The following RUVBL1 variants were observed in gnomAD, a reference collection of about 807,000 sequenced individuals.
RUVBL1 encodes the protein RuvB like AAA ATPase 1, also known as ruvB-like 1.
RUVBL1 carries 4 observed loss-of-function variants against 52.4 expected under a neutral mutation model. The ratio of observed to expected loss-of-function variants is 0.08; its 90% CI spans 0.04 to 0.17. The LOEUF (loss-of-function observed/expected upper bound fraction) is 0.17. Among genes scored for constraint, RUVBL1 ranks in the 10% least tolerant of loss-of-function variants. The pLI is 1.00. For synonymous variants in RUVBL1, 217 were observed against 214.4 expected (o/e 1.01, Z -0.10); for missense variants, 298 against 572.8 (o/e 0.52, Z 4.90).
chr3:128,109,806 T>A (rs1373753783), intron 3 of RUVBL1, among the ~76,000 whole-genome samples: 1 of 110,888 alleles, frequency 9.0e-6, no homozygotes, highest in South Asian at 3.2e-4. Context: ...GGCCTCTCTG[T>A]AAATTTTTTT....
Position 128,146,803 on chromosome 3 carries a change from G to GT in RUVBL1, c.-40+6399dup, listed in dbSNP as rs555158234. ...CGTGTGCACGTGTGTCCATGTGTCT[G>GT]TGTGTGTGTGCATGCATCTGTGTGT... On this transcript the variant is annotated intron_variant, in intron 1 of 9. Coordinates refer to the RUVBL1 transcript ENST00000464873. 4.8e-4 allele frequency among the ~76,000 whole-genome samples: 73 copies of GT among 151,876 alleles called. No homozygotes were observed. In the East Asian group the frequency reaches 0.013, roughly 27 times the overall value.
At chr3:128,134,623 C>CA (rs202207381) in intron 1 of RUVBL1, among the ~76,000 whole-genome samples, 2,625 of 142,088 alleles carry the variant, frequency 0.018, 57 homozygotes, top group African/African-American at 0.059. Context: ...CCCATCTCTA[C>CA]AAAAAATAAA....
chr3:128,066,038 G>A (rs944003956), intron 9 of RUVBL1, among the ~76,000 whole-genome samples: 1 of 152,028 alleles, frequency 6.6e-6, no homozygotes, highest in African/African-American at 2.4e-5. Flanking sequence ...CACCGCACCC[G>A]GCCTTAAGTA....
chr3:128,095,869 G>A (rs1393313394), intron 8 of RUVBL1, among the ~76,000 whole-genome samples: 5 of 152,144 alleles, frequency 3.3e-5, no homozygotes, highest in South Asian at 2.1e-4. Context: ...CAATCTTCCC[G>A]CCTCAGCCTC....
At chr3:128,102,607 G>A (rs1487213452) in intron 4 of RUVBL1, among the ~76,000 whole-genome samples, 1 of 152,228 alleles carries the variant, frequency 6.6e-6, no homozygotes, top group Non-Finnish European at 1.5e-5. Flanking sequence ...GACATACACT[G>A]TATGTTCCAT....
chr3:128,153,876 G>T, exon 1 of RUVBL1: 1 of 1,445,440 alleles, frequency 6.9e-7, no homozygotes. Context: ...CGGAGCGACC[G>T]GGCCCCGTGT....
rs778050832 is a variant in RUVBL1 at position 128,112,973 on chromosome 3, G to A, written c.276C>T (p.Pro92=). 373 of 1,614,138 alleles carry A rather than the reference G, an allele frequency of 2.3e-4. 6 individuals carry two copies. In the Admixed American group the frequency reaches 6.1e-3, roughly 27 times the overall value. ...CTTCACTCCCCACCATTGGGCAGAA[G>A]GGGACCTTACTACCCAGCTCCTGAG... ...AIAQELGSKV[P]FCPMVGSEVY... Residue 92 remains proline, a synonymous_variant, in exon 3 of 11, where the codon CCC becomes CCT. Coordinates refer to ENST00000322623, the MANE Select transcript of RUVBL1 (RefSeq NM_003707.3).
At chr3:128,119,504 C>T (rs779969532) in intron 1 of RUVBL1, 90 bp from the exon 2 acceptor site, 1 of 1,030,218 alleles carries the variant, frequency 9.7e-7, no homozygotes. Flanking sequence ...ACAAGTCACA[C>T]ACTCATCCAA....
chr3:128,105,069 C>T (rs1943192468), intron 3 of RUVBL1, 145 bp from the exon 4 acceptor site: 1 of 665,728 alleles, frequency 1.5e-6, no homozygotes. Flanking sequence ...AAAGGCAATA[C>T]AAACATATCA....
At chr3:128,143,341 T>A (rs775230273) in intron 1 of RUVBL1, among the ~76,000 whole-genome samples, 3 of 151,902 alleles carry the variant, frequency 2.0e-5, no homozygotes, top group Non-Finnish European at 4.4e-5. Context: ...CCCAGCTAAT[T>A]TTTGTATTTT....
Position 128,081,172 on chromosome 3 carries a change from C to A in RUVBL1, c.*78G>T. ...CTGAGTGGGGACGGCAGCCCCAAGC[C>A]CAGGGGCAAGCGCCCACAGGCTGGA... On this transcript the variant is annotated 3_prime_UTR_variant, in exon 11 of 11. Coordinates refer to ENST00000322623, the MANE Select transcript of RUVBL1 (RefSeq NM_003707.3). This position sits in a 1 kb window ranked among gnomAD's most constrained non-coding sequence, Gnocchi z 4.8. 1 of 1,509,228 alleles carries A rather than the reference C, an allele frequency of 6.6e-7. No homozygotes were observed. Among genetic ancestry groups the A allele is most frequent in the Non-Finnish European group, 9.0e-7 (1 of 1,105,566 alleles). 93.5% of individuals were successfully genotyped at this position (1,509,228 alleles called of 1,614,324 possible). A position where few individuals can be genotyped will look rare whatever the true frequency, so the allele number is the denominator to read the frequency against.
intron 8 of RUVBL1, 44 bp downstream of exon 8, chr3:128,097,256 A>G (rs1363370202): frequency 6.4e-7 from 1 of 1,559,534 alleles, no homozygotes; most frequent in South Asian, 1.1e-5. Flanking sequence ...ATGAGCCCAG[A>G]TGGAAGTTAA....
chr3:128,121,710 CAAAAAAAA>C (rs558813738), intron 1 of RUVBL1, among the ~76,000 whole-genome samples: 1 of 108,818 alleles, frequency 9.2e-6, no homozygotes, highest in South Asian at 3.1e-4. Flanking sequence ...AACTTCGTCT[CAAAAAAAA>C]AAAAAAAAAA....
At chr3:128,146,644 G>A (rs1368541389) in intron 1 of RUVBL1, among the ~76,000 whole-genome samples, 3 of 147,848 alleles carry the variant, frequency 2.0e-5, no homozygotes, top group African/African-American at 7.7e-5. Flanking sequence ...GCATGTATGC[G>A]TGTGTGTCTC....
At chr3:128,148,801 C>G (rs942078160) in intron 1 of RUVBL1, among the ~76,000 whole-genome samples, 3 of 152,090 alleles carry the variant, frequency 2.0e-5, no homozygotes, top group Non-Finnish European at 4.4e-5. Context: ...TAGTGTGCAC[C>G]CTATTTTTTC....
At chr3:128,098,842 C>T (rs1316141745) in intron 7 of RUVBL1, 40 bp downstream of exon 7, 12 of 1,584,086 alleles carry the variant, frequency 7.6e-6, no homozygotes, top group South Asian at 5.5e-5. Flanking sequence ...TGGGGCCCTC[C>T]GCCCTGCCCC....
At chr3:128,126,200 T>TC (rs1943787713), upstream of RUVBL1, among the ~76,000 whole-genome samples, 1 of 89,710 alleles carries the variant, frequency 1.1e-5, no homozygotes, top group African/African-American at 4.1e-5. Context: ...GAGTTGTTCC[T>TC]TTGTGTGTGT....
At chr3:128,152,089 T>A (rs1248408787) in intron 1 of RUVBL1, among the ~76,000 whole-genome samples, 1 of 152,200 alleles carries the variant, frequency 6.6e-6, no homozygotes, top group Non-Finnish European at 1.5e-5. Context: ...TTAGACTCTT[T>A]TAACTTCTCT....
chr3:128,067,526 G>A lies in RUVBL1; in HGVS notation c.940-2306C>T, dbSNP rs1341567227. The A allele has an allele frequency of 6.2e-7, 1 of 1,614,048 alleles. No individual in the cohort carries two copies. The highest frequency in any genetic ancestry group is 8.5e-7 in the Non-Finnish European group (1 of 1,180,026). On this transcript the variant is annotated intron_variant, in intron 9 of 9. Coordinates refer to the RUVBL1 transcript ENST00000464873. The surrounding 1 kb of genome is among the most constrained non-coding windows in gnomAD (Gnocchi z 4.1). Reference sequence around the variant, plus strand: ...CTCCGTGTTAGAAGACCCGGTCCATGCAGTTGTATACATAGTGTTCATGCT... The same window carrying A: ...CTCCGTGTTAGAAGACCCGGTCCATACAGTTGTATACATAGTGTTCATGCT...
Sources: gnomAD v4.1 joint callset for allele counts (sites outside exome capture counted in the v4.1 genomes callset) on GRCh38, gnomAD v4.1.1 for gene constraint, Gnocchi (gnomAD v3.1) non-coding constraint, MANE v1.5 for transcripts, NCBI Gene and HGNC (gene_info 2026-07-23, HGNC 2026-07-21) for gene names.